The following TMEM63B variants were observed in gnomAD, a reference collection of about 807,000 sequenced individuals.
TMEM63B encodes transmembrane protein 63B.
In TMEM63B, 23 loss-of-function variants were observed where a neutral mutation model predicts 102.6. The ratio of observed to expected loss-of-function variants is 0.22; its 90% confidence interval spans 0.16 to 0.32. The LOEUF is 0.32. Ranked by LOEUF, TMEM63B falls within the 10% of genes least tolerant of loss-of-function variation. TMEM63B has a pLI of 1.00. For missense variants in TMEM63B, 628 were observed against 1,095.9 expected (o/e 0.57, Z 6.03); for synonymous variants, 444 against 437.0 (o/e 1.02, Z -0.20).
intron 1 of TMEM63B, among the ~76,000 whole-genome samples, chr6:44,129,365 CAA>C (rs11331641): frequency 8.6e-4 from 89 of 103,106 alleles, no homozygotes; most frequent in Non-Finnish European, 9.0e-4. Flanking sequence ...AAGACTGTCT[CAA>C]AAAAAAAAAA....
At chr6:44,136,030 C>T (rs1319232696) in intron 4 of TMEM63B, among the ~76,000 whole-genome samples, 7 of 152,166 alleles carry the variant, frequency 4.6e-5, no homozygotes, top group Admixed American at 3.9e-4. Flanking sequence ...CGGCCCCTGC[C>T]AGTCAACTCT....
chr6:44,138,739 C>CCCCCCCA, intron 6 of TMEM63B: 1 of 400,180 alleles, frequency 2.5e-6, no homozygotes, highest in Non-Finnish European at 4.7e-6. Context: ...CCTGCCGGCC[C>CCCCCCCA]CCCCGCTTCT....
At chr6:44,134,428 C>A in intron 1 of TMEM63B, 133 bp from the exon 2 acceptor site, 1 of 896,574 alleles carries the variant, frequency 1.1e-6, no homozygotes, top group Non-Finnish European at 1.6e-6. Flanking sequence ...AGGCCCTTAT[C>A]TCCAGAGGCC....
In TMEM63B at chr6:44,154,821, C is replaced by T; in HGVS notation, c.2437C>T (p.Leu813Phe). ...GGAGTTGCTGATGCCACCCGACGCC[C>T]TCACGGACACAGACTTCCAGTCTTG... is the stretch of plus-strand genomic sequence containing the variant. Reference protein sequence around the residue: ...DEELLMPPDALTDTDFQSCED... With the variant: ...DEELLMPPDAFTDTDFQSCED... The change falls in exon 24 of 24, where the codon CTC becomes TTC. Residue 813 changes from leucine (L) to phenylalanine (F), a missense_variant. Coordinates refer to ENST00000323267, the MANE Select transcript of TMEM63B (RefSeq NM_018426.3). 2 of 1,610,260 alleles carry T rather than the reference C, an allele frequency of 1.2e-6. No individual in the cohort carries two copies. Among genetic ancestry groups the T allele is most frequent in the Non-Finnish European group, 1.7e-6 (2 of 1,178,970 alleles).
intron 10 of TMEM63B, among the ~76,000 whole-genome samples, chr6:44,142,776 C>A (rs1350484873): frequency 6.6e-6 from 1 of 151,608 alleles, no homozygotes; most frequent in Non-Finnish European, 1.5e-5. Context: ...TGCCTGTAAT[C>A]CCCTTGAGAA....
Position 44,152,658 on chromosome 6 carries a change from C to T in TMEM63B, c.1902C>T (p.Val634=), listed in dbSNP as rs765378739. ...GGATGATGTGCGTCTTCACGGTGGT[C>T]ATGACCTACAGTATCACCTGCCCCA... ...YAWMMCVFTV[V]MTYSITCPII... Residue 634 remains valine (V), a synonymous_variant, in exon 20 of 24, where the codon GTC becomes GTT. Coordinates refer to ENST00000323267, the MANE Select transcript of TMEM63B (RefSeq NM_018426.3). The surrounding 1 kb of genome is among the most constrained non-coding windows in gnomAD (Gnocchi z 6.4). The T allele has an allele frequency of 5.6e-6, 9 of 1,608,186 alleles. No individual in the cohort carries two copies. The highest frequency in any genetic ancestry group is 7.6e-6 in the Non-Finnish European group (9 of 1,179,980).
At chr6:44,142,569 A>G (rs1582796685) in intron 10 of TMEM63B, among the ~76,000 whole-genome samples, 1 of 152,250 alleles carries the variant, frequency 6.6e-6, no homozygotes, top group Middle Eastern at 3.4e-3. Context: ...GGGGGTTCAT[A>G]GTATGGCAGT....
chr6:44,127,466 G>T (rs1046177854), upstream of TMEM63B: 1 of 151,830 alleles, frequency 6.6e-6, no homozygotes, highest in African/African-American at 2.4e-5. Context: ...ATCTGAGAGT[G>T]CGCGCGCACC....
At chr6:44,132,909 C>G (rs879688668) in intron 1 of TMEM63B, among the ~76,000 whole-genome samples, 1 of 152,178 alleles carries the variant, frequency 6.6e-6, no homozygotes, top group African/African-American at 2.4e-5. Flanking sequence ...ATCATTCTAG[C>G]TTTAGAAAGA....
intron 8 of TMEM63B, among the ~76,000 whole-genome samples, 191 bp from the exon 9 acceptor site, chr6:44,140,061 T>C (rs10948125): frequency 0.34 from 51,051 of 152,016 alleles, 8,862 homozygotes; most frequent in Middle Eastern, 0.39. Context: ...GATATTTTCA[T>C]TGGAATCGAA....
Position 44,150,058 on chromosome 6 carries a change from C to G in TMEM63B, c.1520+93C>G. The G allele has an allele frequency of 7.1e-7, 1 of 1,402,160 alleles. No individual in the cohort carries two copies. Among genetic ancestry groups the G allele is most frequent in the Admixed American group, 2.0e-5 (1 of 50,916 alleles). The allele number at this position is 1,402,160 out of a possible 1,614,324, so 86.9% of individuals were successfully genotyped here. A position where few individuals can be genotyped will look rare whatever the true frequency, so the allele number is the denominator to read the frequency against. Reference sequence around the variant, plus strand: ...GCACTTTGCCCTTCAGGCTCCTGGCCCTGGGCAGTCCCACAGCTGGTAGGG... The same window carrying G: ...GCACTTTGCCCTTCAGGCTCCTGGCGCTGGGCAGTCCCACAGCTGGTAGGG... On this transcript the variant is annotated intron_variant, in intron 16 of 23. Coordinates refer to ENST00000323267, the MANE Select transcript of TMEM63B (RefSeq NM_018426.3). This position sits in a 1 kb window ranked among gnomAD's most constrained non-coding sequence, Gnocchi z 4.7.
chr6:44,134,596 T>C lies in TMEM63B; in HGVS notation c.12T>C (p.Phe4=). 6.2e-7 allele frequency: 1 copy of C among 1,614,036 alleles called. No individual in the cohort carries two copies. The highest frequency in any genetic ancestry group is 8.5e-7 in the Non-Finnish European group (1 of 1,179,988). The change falls in exon 2 of 24, where the codon TTT becomes TTC. Residue 4 remains phenylalanine (F), a synonymous_variant. Transcript: ENST00000323267. MLP[F]LLATLGTTAL... is the part of the protein sequence containing the mutation. ...CGGCAGTAGCAGCCATGCTGCCCTT[T>C]CTGCTGGCCACACTGGGCACCACAG...
intron 8 of TMEM63B, 94 bp from the exon 9 acceptor site, chr6:44,140,158 C>G (rs1191149300): frequency 1.0e-5 from 10 of 987,310 alleles, no homozygotes; most frequent in African/African-American, 3.2e-5. Context: ...AGGGCCCTGT[C>G]TGTATCAAGG....
chr6:44,154,443 G>T lies in TMEM63B; in HGVS notation c.2305G>T (p.Ala769Ser). ...PPTAAAVPKS[A>S]KYIAQVLQDS... is the part of the protein sequence containing the mutation. Reference sequence around the variant, plus strand: ...CACTGCTGCTGCTGTCCCCAAATCTGCGGTGAGTGCCCTCAAGGGTTGGGA... The same window carrying T: ...CACTGCTGCTGCTGTCCCCAAATCTTCGGTGAGTGCCCTCAAGGGTTGGGA... Residue 769 changes from alanine (A) to serine (S), a missense_variant and splice_region_variant, in exon 23 of 24, where the codon GCG (alanine) becomes TCG (serine). By Grantham distance (99) the Ala-to-Ser change is moderately conservative. Transcript: ENST00000323267. 3.7e-6 allele frequency: 6 copies of T among 1,613,946 alleles called. No individual in the cohort carries two copies. Among genetic ancestry groups the T allele is most frequent in the Non-Finnish European group, 5.1e-6 (6 of 1,179,948 alleles).
At chr6:44,146,370 G>A (rs182318308) in intron 10 of TMEM63B, among the ~76,000 whole-genome samples, 7 of 152,228 alleles carry the variant, frequency 4.6e-5, no homozygotes, top group Admixed American at 4.6e-4. Flanking sequence ...TAAGCATGAG[G>A]AGGAACTCCA....
chr6:44,139,290 C>T (rs1249124610), intron 6 of TMEM63B, among the ~76,000 whole-genome samples, 177 bp from the exon 7 acceptor site: 1 of 152,014 alleles, frequency 6.6e-6, no homozygotes, highest in Non-Finnish European at 1.5e-5. Flanking sequence ...TCCCTTTCTC[C>T]CCTCTCCCTT....
chr6:44,139,327 C>T, intron 6 of TMEM63B, 140 bp from the exon 7 acceptor site: 1 of 999,176 alleles, frequency 1.0e-6, no homozygotes, highest in South Asian at 1.6e-5. Flanking sequence ...CCAAGAAGTC[C>T]CATTTCAGCC....
Position 44,148,152 on chromosome 6 carries a change from T to C in TMEM63B, c.988-100T>C. The C allele has an allele frequency of 6.5e-7, 1 of 1,533,666 alleles. No individual in the cohort carries two copies. The highest frequency in any genetic ancestry group is 8.8e-7 in the Non-Finnish European group (1 of 1,141,044). On this transcript the variant is annotated intron_variant, in intron 12 of 23. Coordinates refer to ENST00000323267, the MANE Select transcript of TMEM63B (RefSeq NM_018426.3). The surrounding 1 kb of genome is among the most constrained non-coding windows in gnomAD (Gnocchi z 5.1). ...AAAAAAAAAATGCTTAGAGGAGCAG[T>C]GCCTGGCTTGTAGGAAGCCCCAAGT...
At chr6:44,147,251 A>G (rs1162486379) in intron 11 of TMEM63B, 126 bp from the exon 12 acceptor site, 5 of 1,485,454 alleles carry the variant, frequency 3.4e-6, no homozygotes, top group Non-Finnish European at 4.6e-6. Flanking sequence ...GGATGTGGCC[A>G]CATCTGAAAC....
Sources: allele counts gnomAD v4.1 joint callset (sites outside exome capture counted in the v4.1 genomes callset), GRCh38; gene constraint gnomAD v4.1.1; non-coding constraint Gnocchi (gnomAD v3.1); transcripts MANE v1.5; gene names NCBI Gene and HGNC (gene_info 2026-07-23, HGNC 2026-07-21).